TRPM3: variants seen among roughly 807,000 people sequenced by gnomAD.
The protein encoded by TRPM3 is long transient receptor potential channel 3.
A neutral mutation model predicts 181.2 loss-of-function variants in TRPM3; 77 were observed. The observed-to-expected ratio is 0.42, with a 90% CI of 0.35 to 0.51. The LOEUF (loss-of-function observed/expected upper bound fraction) is 0.51. TRPM3 is among the 20% of genes least tolerant of loss of function. The pLI is 0.01. For missense variants in TRPM3, 1,759 were observed against 2,196.7 expected (o/e 0.80, Z 3.98); for synonymous variants, 745 against 796.4 (o/e 0.94, Z 1.09).
At chr9:70,765,319 G>A (rs1367347986) in intron 7 of TRPM3, among the ~76,000 whole-genome samples, 1 of 152,182 alleles carries the variant, frequency 6.6e-6, no homozygotes, top group Non-Finnish European at 1.5e-5. Context: ...GGCCGGGTTT[G>A]GTGGCTTATG....
chr9:71,120,760 G>C (rs964371606), intron 1 of TRPM3, among the ~76,000 whole-genome samples: 3 of 152,188 alleles, frequency 2.0e-5, no homozygotes, highest in Admixed American at 2.0e-4. Context: ...CATTTAAAGG[G>C]AAAGTGGGTC....
chr9:70,808,804 G>T (rs148482256), intron 6 of TRPM3, among the ~76,000 whole-genome samples: 7 of 152,308 alleles, frequency 4.6e-5, no homozygotes, highest in African/African-American at 1.4e-4. Flanking sequence ...GTTTTGGAAG[G>T]CCTTTCCCTT....
chr9:71,211,381 G>A lies in TRPM3; in HGVS notation c.183+235272C>T, dbSNP rs921827640. On this transcript the variant is annotated intron_variant, in intron 1 of 24. Coordinates refer to the TRPM3 transcript ENST00000357533. ...ATTGTGTTTTTTTTTTTTTAAATAG[G>A]AAGAGTAGTAACTTTCTCCATGGGT... is the stretch of plus-strand genomic sequence containing the variant. 6.1e-4 allele frequency among the ~76,000 whole-genome samples: 92 copies of A among 150,532 alleles called. 1 individual carries two copies. The highest frequency in any genetic ancestry group is 2.2e-3 in the African/African-American group (90 of 40,990).
At chr9:70,620,396 G>A (rs1328453826) in intron 15 of TRPM3, 31 bp from the exon 16 acceptor site, 1 of 1,577,904 alleles carries the variant, frequency 6.3e-7, no homozygotes, top group Non-Finnish European at 8.6e-7. Context: ...CACAGACTGA[G>A]TTAGAAATGA....
At chr9:71,347,271 T>C (rs931689505) in intron 1 of TRPM3, among the ~76,000 whole-genome samples, 1 of 152,192 alleles carries the variant, frequency 6.6e-6, no homozygotes, top group East Asian at 1.9e-4. Context: ...TCAGTTACTG[T>C]TAGTTGTTCC....
chr9:71,003,587 T>C (rs571632873), intron 1 of TRPM3, among the ~76,000 whole-genome samples: 6 of 152,276 alleles, frequency 3.9e-5, no homozygotes, highest in African/African-American at 9.6e-5. Flanking sequence ...CTCCACAACC[T>C]TGCTAATAGG....
Position 71,272,683 on chromosome 9 carries a change from T to C in TRPM3, c.183+173970A>G, listed in dbSNP as rs1219609157. Among the ~76,000 whole-genome samples, 4 of 152,146 alleles carry C rather than the reference T, an allele frequency of 2.6e-5. 1 individual carries two copies. In the South Asian group the frequency reaches 8.3e-4, roughly 32 times the overall value. ...ACCCATTTGTGTAATAGAAACTGTA[T>C]AAATATAATTTATATATTCTCATAC... On this transcript the variant is annotated intron_variant, in intron 1 of 24. Coordinates refer to the TRPM3 transcript ENST00000357533.
intron 1 of TRPM3, among the ~76,000 whole-genome samples, chr9:71,158,288 C>T (rs1337397368): frequency 6.6e-6 from 1 of 152,066 alleles, no homozygotes; most frequent in African/African-American, 2.4e-5. Flanking sequence ...AAGCTCAAAA[C>T]TGAAAATAAC....
Position 70,606,651 on chromosome 9 carries a change from G to GTATATA in TRPM3, c.2668-3187_2668-3182dup, listed in dbSNP as rs1554775917. On this transcript the variant is annotated intron_variant, in intron 19 of 25. Coordinates refer to ENST00000677713, the MANE Select transcript of TRPM3 (RefSeq NM_001366145.2). Reference sequence around the variant, plus strand: ...TAATTGTGTGTGTGTGTGTGTGTGTGTATATATATATATATATGTATACTC... The same window carrying GTATATA: ...TAATTGTGTGTGTGTGTGTGTGTGTGTATATATATATATATATATATATGTATACTC... Among the ~76,000 whole-genome samples, 132 of 140,736 alleles carry GTATATA rather than the reference G, an allele frequency of 9.4e-4. 1 individual carries two copies. Among genetic ancestry groups the GTATATA allele is most frequent in the East Asian group, 5.3e-3 (25 of 4,734 alleles). 92.3% of individuals were successfully genotyped at this position (140,736 alleles called of 152,430 possible). A position where few individuals can be genotyped will look rare whatever the true frequency, so the allele number is the denominator to read the frequency against.
chr9:70,788,839 T>C (rs1299820662), intron 6 of TRPM3, among the ~76,000 whole-genome samples: 2 of 152,120 alleles, frequency 1.3e-5, no homozygotes, highest in African/African-American at 2.4e-5. Flanking sequence ...CAGTTCACAA[T>C]AGGGCTCACG....
intron 8 of TRPM3, chr9:70,761,361 G>A: frequency 1.5e-6 from 1 of 652,624 alleles, no homozygotes; most frequent in Non-Finnish European, 2.8e-6. Flanking sequence ...AGAGCGTTTG[G>A]ATGAGCTCCA....
At chr9:70,931,018 T>A (rs2096770881) in intron 1 of TRPM3, among the ~76,000 whole-genome samples, 1 of 152,138 alleles carries the variant, frequency 6.6e-6, no homozygotes, top group Non-Finnish European at 1.5e-5. Flanking sequence ...GTATAATATT[T>A]ATTTTTCTCT....
chr9:70,549,453 T>A, intron 25 of TRPM3, 89 bp downstream of exon 25: 9 of 1,444,620 alleles, frequency 6.2e-6, no homozygotes, highest in Non-Finnish European at 8.4e-6. Flanking sequence ...ACAAAAGATC[T>A]CTGTTTTGTG....
intron 19 of TRPM3, among the ~76,000 whole-genome samples, chr9:70,608,928 TAGTA>T (rs1304304741): frequency 2.6e-5 from 4 of 152,160 alleles, no homozygotes; most frequent in African/African-American, 9.7e-5. Flanking sequence ...GCCTCAAACT[TAGTA>T]GGTGCTCAAT....
Position 70,625,050 on chromosome 9 carries a change from A to G in TRPM3, c.1809+141T>C, listed in dbSNP as rs574102735. ...CAATGATAAGATTAATTTGAATTTC[A>G]TTACTTTTCTTTGATTGTTTAGGTT... On this transcript the variant is annotated intron_variant, in intron 14 of 25. Coordinates refer to ENST00000677713, the MANE Select transcript of TRPM3 (RefSeq NM_001366145.2). The surrounding 1 kb of genome is among the most constrained non-coding windows in gnomAD (Gnocchi z 4.8). 3.1e-6 allele frequency: 3 copies of G among 961,510 alleles called. No homozygotes were observed. The East Asian group carries it at 8.2e-5, about 26-fold the overall frequency. 59.6% of individuals were successfully genotyped at this position (961,510 alleles called of 1,614,324 possible).
At chr9:70,619,857 T>C (rs576521718) in intron 16 of TRPM3, among the ~76,000 whole-genome samples, 17 of 152,298 alleles carry the variant, frequency 1.1e-4, no homozygotes, top group African/African-American at 3.8e-4. Context: ...GCCTACCTCA[T>C]GGGGAAGTTG....
rs1170074029 is a variant in TRPM3, at chr9:70,639,123, T to A, written c.1518A>T (p.Ile506=). The stretch of plus-strand genomic sequence containing the variant: ...AACGGTGCATGCTTACTCCATTCTC[T>A]ATGAGTAATTTCACAAAATCCACTC... ...LDRVDFVKLL[I]ENGVSMHRFL... Residue 506 remains isoleucine, a synonymous_variant, in exon 11 of 26, where the codon ATA becomes ATT. Coordinates refer to ENST00000677713, the MANE Select transcript of TRPM3 (RefSeq NM_001366145.2). The A allele has an allele frequency of 6.2e-7, 1 of 1,613,902 alleles. No homozygotes were observed. Among genetic ancestry groups the A allele is most frequent in the Non-Finnish European group, 8.5e-7 (1 of 1,179,924 alleles).
chr9:71,271,336 T>C lies in TRPM3; in HGVS notation c.183+175317A>G, dbSNP rs79952492. Among the ~76,000 whole-genome samples, 568 of 152,236 alleles carry C rather than the reference T, an allele frequency of 3.7e-3. 6 individuals are homozygous for C. The East Asian group carries it at 0.053, about 14-fold the overall frequency. On this transcript the variant is annotated intron_variant, in intron 1 of 24. Coordinates refer to the TRPM3 transcript ENST00000357533. ...TCTGTCTCTTCTTACTGGAATGTAG[T>C]TCTTGAAGGCAGAAACTTTGCCTTT...
chr9:71,258,235 A>G (rs903073188), intron 1 of TRPM3, among the ~76,000 whole-genome samples: 4 of 152,170 alleles, frequency 2.6e-5, no homozygotes, highest in Non-Finnish European at 5.9e-5. Context: ...GAATGCTGTT[A>G]TTAGCCCCAC....
Sources: gnomAD v4.1 joint callset for allele counts (sites outside exome capture counted in the v4.1 genomes callset) on GRCh38, gnomAD v4.1.1 for gene constraint, Gnocchi (gnomAD v3.1) non-coding constraint, MANE v1.5 for transcripts, NCBI Gene and HGNC (gene_info 2026-07-23, HGNC 2026-07-21) for gene names.